The following PHF6 variants were observed in gnomAD, a reference collection of about 807,000 sequenced individuals.
PHF6 encodes PHD finger protein 6, also known as PHD-like zinc finger protein.
PHF6 carries 7 observed loss-of-function variants against 34.0 expected under a neutral mutation model. The ratio of observed to expected loss-of-function variants is 0.21; its 90% confidence interval spans 0.12 to 0.39. The LOEUF (loss-of-function observed/expected upper bound fraction) is 0.39. Among genes scored for constraint, PHF6 ranks in the 10% least tolerant of loss-of-function variants. PHF6 has a pLI of 1.00. For synonymous variants in PHF6, 89 were observed against 88.4 expected, an observed-to-expected ratio of 1.01 and a Z score of -0.04; for missense variants, 128 against 262.8, an observed-to-expected ratio of 0.49 and a Z score of 3.55.
At chrX:134,399,574 G>T (rs189960993) in intron 5 of PHF6, among the ~76,000 whole-genome samples, 14 of 109,670 alleles carry the variant, frequency 1.3e-4, no homozygotes, top group Admixed American at 1.2e-3. Flanking sequence ...TTTATTTTTA[G>T]AACAGTTTTA....
chrX:134,391,270 G>A lies in PHF6; in HGVS notation c.241-2231G>A, dbSNP rs754504308. The stretch of plus-strand genomic sequence containing the variant: ...ATTACAGGCGTGAGCTGCTGTACCC[G>A]GACCTAAATATTTTTCAATTGTTGA... On this transcript the variant is annotated intron_variant, in intron 3 of 10. Coordinates refer to ENST00000370803, the MANE Select transcript of PHF6 (RefSeq NM_001015877.2). Among the ~76,000 whole-genome samples the A allele has an allele frequency of 1.2e-3, 130 of 111,313 alleles. 1 individual carries two copies. Among genetic ancestry groups the A allele is most frequent in the African/African-American group, 3.9e-3 (119 of 30,717 alleles).
At chrX:134,418,944 G>A (rs985659117) in intron 9 of PHF6, 3 of 108,603 alleles carry the variant, frequency 2.8e-5, no homozygotes, top group African/African-American at 1.0e-4. Context: ...CTGCCCTCAC[G>A]TGATCCTCCC....
At chrX:134,413,709 C>T in intron 6 of PHF6, 52 bp downstream of exon 6, 1 of 1,189,140 alleles carries the variant, frequency 8.4e-7, no homozygotes, top group Non-Finnish European at 1.1e-6. Context: ...ATGAATATTT[C>T]ATTTAAACTA....
At chrX:134,386,847 A>G (rs778201630) in intron 3 of PHF6, among the ~76,000 whole-genome samples, 19 of 112,306 alleles carry the variant, frequency 1.7e-4, no homozygotes, top group East Asian at 2.8e-4. Context: ...GAAATCACAG[A>G]CAATACACAA....
At chrX:134,397,096 G>A (rs1319596936) in intron 5 of PHF6, among the ~76,000 whole-genome samples, 1 of 106,943 alleles carries the variant, frequency 9.4e-6, no homozygotes, top group Non-Finnish European at 1.9e-5. Flanking sequence ...GAGAATAATT[G>A]CATAATATAG....
chrX:134,388,396 A>G (rs751948200), intron 3 of PHF6, among the ~76,000 whole-genome samples: 76 of 111,779 alleles, frequency 6.8e-4, no homozygotes, highest in Non-Finnish European at 1.3e-3. Context: ...TCCCTACTCC[A>G]AGAGCTTTTG....
rs369399606 is a variant in PHF6, at chrX:134,375,361, C to CT, written c.-47+1897dup. ...TTTTTCTCTTTTAGATTTTTGGGGT[C>CT]TTTGATATCTAGAAAAGCAGGTTCT... is the stretch of plus-strand genomic sequence containing the variant. On this transcript the variant is annotated intron_variant, in intron 1 of 10. Transcript: ENST00000370803. Among the ~76,000 whole-genome samples, 818 of 111,150 alleles carry CT rather than the reference C, an allele frequency of 7.4e-3. 5 individuals are homozygous for CT. The highest frequency in any genetic ancestry group is 0.026 in the African/African-American group (782 of 30,610).
intron 5 of PHF6, among the ~76,000 whole-genome samples, chrX:134,407,721 C>T (rs979566855): frequency 1.8e-5 from 2 of 111,295 alleles, no homozygotes; most frequent in Non-Finnish European, 3.8e-5. Flanking sequence ...AACCCCCTGA[C>T]GTAGGTTTCA....
intron 3 of PHF6, among the ~76,000 whole-genome samples, chrX:134,389,323 T>C (rs2077344052): frequency 9.0e-6 from 1 of 111,042 alleles, no homozygotes; most frequent in African/African-American, 3.3e-5. Context: ...CTTCCATTGT[T>C]TTTGAAAAAC....
At chrX:134,410,164 T>G (rs1326264370) in intron 5 of PHF6, among the ~76,000 whole-genome samples, 2 of 111,694 alleles carry the variant, frequency 1.8e-5, no homozygotes, top group Admixed American at 9.5e-5. Flanking sequence ...CCAGTAATGG[T>G]ATTGCTGGGT....
At chrX:134,424,265 A>G (rs904099604) in intron 9 of PHF6, among the ~76,000 whole-genome samples, 2 of 111,740 alleles carry the variant, frequency 1.8e-5, no homozygotes. Context: ...CATGATATCA[A>G]ATTAGCACTC....
Position 134,377,655 on chromosome X carries a change from G to A in PHF6, c.38G>A (p.Arg13Lys). The stretch of plus-strand genomic sequence containing the variant: ...GTTGAACAGAAAAAAGGGCCTACAA[G>A]ACAGCGCAAATGTGGCTTTTGTAAG... ...SSVEQKKGPT[R>K]QRKCGFCKSN... is the part of the protein sequence containing the mutation. The change falls in exon 2 of 11, where the codon AGA becomes AAA. Residue 13 changes from arginine (R) to lysine (K), a missense_variant. Arg to Lys is a conservative substitution (Grantham distance 26). This residue lies in a region of PHF6 where 97 missense variants were observed against 152.9 expected (regional missense o/e 0.63). Transcript: ENST00000370803. 8.3e-7 allele frequency: 1 copy of A among 1,210,862 alleles called. No homozygotes were observed. Among genetic ancestry groups the A allele is most frequent in the Non-Finnish European group, 1.1e-6 (1 of 895,008 alleles).
Position 134,389,732 on chromosome X carries a change from A to G in PHF6, c.241-3769A>G, listed in dbSNP as rs184173846. ...ATCTTTTCCCTGAAACATTCTTGCC[A>G]CGTTCATTCTGTGCTCCTCCAACTG... On this transcript the variant is annotated intron_variant, in intron 3 of 10. Transcript: ENST00000370803. Among the ~76,000 whole-genome samples the G allele has an allele frequency of 2.5e-3, 278 of 111,555 alleles. 3 individuals carry two copies. Among genetic ancestry groups the G allele is most frequent in the Non-Finnish European group, 4.1e-3 (219 of 53,113 alleles).
chrX:134,375,884 T>C, intron 1 of PHF6, among the ~76,000 whole-genome samples: 1 of 112,198 alleles, frequency 8.9e-6, no homozygotes, highest in Non-Finnish European at 1.9e-5. Context: ...TTCTCTGTTA[T>C]GTCCTTTTTT....
At chrX:134,376,261 C>A (rs1454584355) in intron 1 of PHF6, among the ~76,000 whole-genome samples, 1 of 111,907 alleles carries the variant, frequency 8.9e-6, no homozygotes, top group Non-Finnish European at 1.9e-5. Flanking sequence ...TGCTTCTCAG[C>A]TGCAATGTAG....
intron 1 of PHF6, among the ~76,000 whole-genome samples, chrX:134,376,548 T>G (rs991984179): frequency 9.0e-6 from 1 of 111,648 alleles, no homozygotes; most frequent in African/African-American, 3.2e-5. Flanking sequence ...TTCCCTTTTT[T>G]TGACTACACT....
At position 134,393,822 on chromosome X, in the gene PHF6, G is replaced by T. The variant is rs1263828951; in HGVS notation, c.375-87G>T. On this transcript the variant is annotated intron_variant, in intron 4 of 10. Transcript: ENST00000370803. The stretch of plus-strand genomic sequence containing the variant: ...TATTTTGAATCCAGCTAGTGAATTG[G>T]GTGAAGTGTACTGCTCGTTTTCTTA... The T allele has an allele frequency of 5.7e-6, 5 of 881,826 alleles. No homozygotes were observed. The Admixed American group carries it at 1.2e-4, about 21-fold the overall frequency. 72.7% of individuals were successfully genotyped at this position (881,826 alleles called of 1,213,427 possible).
rs200222832 is a variant in PHF6, at chrX:134,383,066, AC to A, written c.240+4964del. ...AGACCAGCCTGGACAACAAAGTGAG[AC>A]CCCTATCTCTACAAAAAAATTTAAA... On this transcript the variant is annotated intron_variant, in intron 3 of 10. Transcript: ENST00000370803. Among the ~76,000 whole-genome samples, 429 of 109,548 alleles carry A rather than the reference AC, an allele frequency of 3.9e-3. 16 individuals carry two copies. The East Asian group carries it at 0.098, about 25-fold the overall frequency.
At chrX:134,400,519 T>C (rs1408358169) in intron 5 of PHF6, among the ~76,000 whole-genome samples, 1 of 107,527 alleles carries the variant, frequency 9.3e-6, no homozygotes, top group Non-Finnish European at 1.9e-5. Flanking sequence ...AGCAAAACAA[T>C]TGGCCTGTGA....
Sources: gnomAD v4.1 joint callset for allele counts (sites outside exome capture counted in the v4.1 genomes callset) on GRCh38, gnomAD v4.1.1 for gene constraint, gnomAD v4.1.1 regional missense constraint, MANE v1.5 for transcripts, NCBI Gene and HGNC (gene_info 2026-07-23, HGNC 2026-07-21) for gene names.